The following RASGRP2 variants were observed in gnomAD, a reference collection of about 807,000 sequenced individuals.
RASGRP2 encodes the protein RAS guanyl-releasing protein 2.
Under a neutral mutation model 71.0 loss-of-function variants are expected in RASGRP2, and 44 were observed. The ratio of observed to expected loss-of-function variants is 0.62; its 90% CI spans 0.49 to 0.80. The LOEUF (loss-of-function observed/expected upper bound fraction) is 0.80. Ranked by LOEUF, RASGRP2 falls within the 30% of genes least tolerant of loss-of-function variation. The pLI, the probability that RASGRP2 is intolerant of heterozygous loss-of-function variation, is 0.00. For synonymous variants in RASGRP2, 350 were observed against 330.7 expected, an observed-to-expected ratio of 1.06 and a Z score of -0.63; for missense variants, 663 against 813.4, an observed-to-expected ratio of 0.82 and a Z score of 2.25.
intron 12 of RASGRP2, among the ~76,000 whole-genome samples, chr11:64,733,317 C>T (rs557859122): frequency 4.5e-4 from 69 of 151,794 alleles, no homozygotes; most frequent in Middle Eastern, 3.4e-3. Context: ...TGGGCCTGGT[C>T]CTGGGAGCCG....
rs192116845 is a variant in RASGRP2, at chr11:64,731,694, T to C, written c.1413-1500A>G. Among the ~76,000 whole-genome samples, 103 of 151,586 alleles carry C rather than the reference T, an allele frequency of 6.8e-4. 1 individual carries two copies. The highest frequency in any genetic ancestry group is 2.4e-3 in the African/African-American group (98 of 41,446). The stretch of plus-strand genomic sequence containing the variant: ...AATGGCCAATAAACATATGAAAAGA[T>C]ACCCTACCCCCATTAGTATTAAAGA... On this transcript the variant is annotated intron_variant, in intron 12 of 16. Transcript: ENST00000394432.
intron 5 of RASGRP2, 43 bp downstream of exon 5, chr11:64,740,905 G>A: frequency 1.9e-6 from 3 of 1,610,278 alleles, no homozygotes; most frequent in East Asian, 2.2e-5. Flanking sequence ...GATGGTATAG[G>A]ATACTGAGTG....
chr11:64,732,425 G>A (rs902347137), intron 12 of RASGRP2, among the ~76,000 whole-genome samples: 2 of 152,208 alleles, frequency 1.3e-5, no homozygotes, highest in African/African-American at 2.4e-5. Flanking sequence ...TCGGGAGGCC[G>A]AGGCGGGCGG....
At chr11:64,741,586 G>A (rs574092367) in intron 3 of RASGRP2, 85 bp from the exon 4 acceptor site, 96 of 1,221,904 alleles carry the variant, frequency 7.9e-5, no homozygotes, top group Non-Finnish European at 1.1e-4. Flanking sequence ...CTGGTTCTAG[G>A]AGACACGTTC....
rs1430483960 is a variant in RASGRP2 at position 64,742,753 on chromosome 11, G to A, written c.73+41C>T. The A allele has an allele frequency of 1.3e-6, 2 of 1,577,378 alleles. No homozygotes were observed. The highest frequency in any genetic ancestry group is 1.7e-6 in the Non-Finnish European group (2 of 1,162,470). ...AGGCAGGGACCCGGGCTCAGACTCG[G>A]GGCTAGGCTCAGGCTCCGTGTGCCC... On this transcript the variant is annotated intron_variant, in intron 2 of 16. Transcript: ENST00000394432. This position sits in a 1 kb window ranked among gnomAD's most constrained non-coding sequence, Gnocchi z 4.7.
At chr11:64,728,398 C>G (rs1364299000) in intron 15 of RASGRP2, among the ~76,000 whole-genome samples, 1 of 152,178 alleles carries the variant, frequency 6.6e-6, no homozygotes, top group East Asian at 1.9e-4. Context: ...TGGCCACTTT[C>G]TGGCACCCTT....
Position 64,730,064 on chromosome 11 carries a change from A to G in RASGRP2, c.1543T>C (p.Cys515Arg), listed in dbSNP as rs2057713474. 4 of 1,551,002 alleles carry G rather than the reference A, an allele frequency of 2.6e-6. No individual in the cohort carries two copies. Among genetic ancestry groups the G allele is most frequent in the Non-Finnish European group, 2.6e-6 (3 of 1,148,006 alleles). The change falls in exon 13 of 17, where the codon TGC (cysteine) becomes CGC (arginine). Residue 515 changes from cysteine (C) to arginine (R), a missense_variant. By Grantham distance (180) the Cys-to-Arg change is radical (BLOSUM62 -3). Coordinates refer to ENST00000394432, the MANE Select transcript of RASGRP2 (RefSeq NM_001098671.2). Reference sequence around the variant, plus strand: ...AAAGGGACTCTCACCAGGGCTTTGCAGTGGCGGCAGGCGACGGGGCGCAAG... The same window carrying G: ...AAAGGGACTCTCACCAGGGCTTTGCGGTGGCGGCAGGCGACGGGGCGCAAG... ...NSLRPVACRH[C>R]KALILGIYKQ... is the part of the protein sequence containing the mutation.
Position 64,735,098 on chromosome 11 carries a change from C to G in RASGRP2, c.1412+14G>C. ...GTTGCCTTCCCTCTCCCCCAGGTCC[C>G]CAGCCCTCCTCACTGGTTCTGGTCG... On this transcript the variant is annotated intron_variant, in intron 12 of 16. Transcript: ENST00000394432. The surrounding 1 kb of genome is among the most constrained non-coding windows in gnomAD (Gnocchi z 4.2). The G allele has an allele frequency of 6.2e-7, 1 of 1,601,688 alleles. No homozygotes were observed. Among genetic ancestry groups the G allele is most frequent in the East Asian group, 2.2e-5 (1 of 44,812 alleles).
At position 64,742,750 on chromosome 11, in the gene RASGRP2, T is replaced by C. The variant is rs778008348; in HGVS notation, c.73+44A>G. On this transcript the variant is annotated intron_variant, in intron 2 of 16. Coordinates refer to ENST00000394432, the MANE Select transcript of RASGRP2 (RefSeq NM_001098671.2). This position sits in a 1 kb window ranked among gnomAD's most constrained non-coding sequence, Gnocchi z 4.7. ...GGGAGGCAGGGACCCGGGCTCAGAC[T>C]CGGGGCTAGGCTCAGGCTCCGTGTG... 6.4e-7 allele frequency: 1 copy of C among 1,573,128 alleles called. No homozygotes were observed. Among genetic ancestry groups the C allele is most frequent in the Non-Finnish European group, 8.6e-7 (1 of 1,159,896 alleles).
chr11:64,743,080 T>G lies in RASGRP2; in HGVS notation c.-71-143A>C, dbSNP rs2058190549. 1.1e-6 allele frequency: 1 copy of G among 946,478 alleles called. No individual in the cohort carries two copies. Among genetic ancestry groups the G allele is most frequent in the Non-Finnish European group, 1.6e-6 (1 of 612,286 alleles). The allele number at this position is 946,478 out of a possible 1,614,324, so 58.6% of individuals were successfully genotyped here. A position where few individuals can be genotyped will look rare whatever the true frequency, so the allele number is the denominator to read the frequency against. ...CGCGGCCACTCCCGGGGTTAAACGG[T>G]CTGGCCCGGGATGGTGCAACCCGCC... On this transcript the variant is annotated intron_variant, in intron 1 of 16. Coordinates refer to ENST00000394432, the MANE Select transcript of RASGRP2 (RefSeq NM_001098671.2). This position sits in a 1 kb window ranked among gnomAD's most constrained non-coding sequence, Gnocchi z 4.9.
At position 64,739,237 on chromosome 11, in the gene RASGRP2, C is replaced by T; in HGVS notation, c.813+123G>A. Reference sequence around the variant, plus strand: ...GTGCAAACTGAGAAAAGCACTTAACCCCTCTGAGCCTCCATTTCCATATCT... The same window carrying T: ...GTGCAAACTGAGAAAAGCACTTAACTCCTCTGAGCCTCCATTTCCATATCT... On this transcript the variant is annotated intron_variant, in intron 8 of 16. Coordinates refer to ENST00000394432, the MANE Select transcript of RASGRP2 (RefSeq NM_001098671.2). The surrounding 1 kb of genome is among the most constrained non-coding windows in gnomAD (Gnocchi z 4.2). 2.5e-6 allele frequency: 2 copies of T among 791,390 alleles called. No homozygotes were observed. Among genetic ancestry groups the T allele is most frequent in the Non-Finnish European group, 2.2e-6 (1 of 456,694 alleles). 49.0% of individuals were successfully genotyped at this position (791,390 alleles called of 1,614,324 possible). A position where few individuals can be genotyped will look rare whatever the true frequency, so the allele number is the denominator to read the frequency against.
chr11:64,743,761 G>A lies in RASGRP2; in HGVS notation c.-72+242C>T. ...GAGGGGGGCGCTCGCGCCAAGGGTG[G>A]CCGGTGGGTGCATGACACCATTAGC... On this transcript the variant is annotated intron_variant, in intron 1 of 16. Transcript: ENST00000394432. This position sits in a 1 kb window ranked among gnomAD's most constrained non-coding sequence, Gnocchi z 4.9. The A allele has an allele frequency of 3.2e-6, 1 of 308,108 alleles. No homozygotes were observed. The highest frequency in any genetic ancestry group is 2.4e-5 in the South Asian group (1 of 41,144). The allele number at this position is 308,108 out of a possible 1,614,324, so 19.1% of individuals were successfully genotyped here.
rs766507209 is a variant in RASGRP2, at chr11:64,735,595, T to C, written c.1243A>G (p.Lys415Glu). The C allele has an allele frequency of 1.2e-6, 2 of 1,613,988 alleles. No homozygotes were observed. The highest frequency in any genetic ancestry group is 2.7e-5 in the African/African-American group (2 of 74,896). ...ACGAGGGCCTGATCCAGCTTGGGTT[T>C]GGCAGCCGAGGTCCACTCCTCCAGT... ...PVLEEWTSAA[K>E]PKLDQALVVE... Residue 415 changes from lysine (K) to glutamate (E), a missense_variant, in exon 11 of 17, where the codon AAA becomes GAA. By Grantham distance (56) the Lys-to-Glu change is moderately conservative (BLOSUM62 1). Coordinates refer to ENST00000394432, the MANE Select transcript of RASGRP2 (RefSeq NM_001098671.2). This position sits in a 1 kb window ranked among gnomAD's most constrained non-coding sequence, Gnocchi z 4.2.
chr11:64,742,015 G>C lies in RASGRP2; in HGVS notation c.171C>G (p.Leu57=). 2 of 1,609,040 alleles carry C rather than the reference G, an allele frequency of 1.2e-6. No individual in the cohort carries two copies. The highest frequency in any genetic ancestry group is 2.2e-5 in the East Asian group (1 of 44,606). ...IPSSQLAAKL[L]HIYQQSRKDN... is the part of the protein sequence containing the mutation. ...GCAAGGCCGGCGAAGGATATATGTG[G>C]AGCAGCTTGGCCGCCAGCTGAGAGG... Residue 57 remains leucine, a synonymous_variant, in exon 3 of 17, where the codon CTC becomes CTG. Coordinates refer to ENST00000394432, the MANE Select transcript of RASGRP2 (RefSeq NM_001098671.2). This position sits in a 1 kb window ranked among gnomAD's most constrained non-coding sequence, Gnocchi z 4.7.
intron 12 of RASGRP2, among the ~76,000 whole-genome samples, chr11:64,732,752 G>A (rs1459610157): frequency 1.3e-5 from 2 of 151,488 alleles, no homozygotes; most frequent in African/African-American, 4.9e-5. Flanking sequence ...CCGCACTCCA[G>A]TCTGGGTGAC....
chr11:64,729,717 A>AAC (rs1555121719), intron 14 of RASGRP2, 45 bp downstream of exon 14: 18 of 1,567,666 alleles, frequency 1.1e-5, no homozygotes, highest in African/African-American at 1.4e-5. Flanking sequence ...AACAAACAAA[A>AAC]AAAAAAAACA....
At position 64,730,228 on chromosome 11, in the gene RASGRP2, C is replaced by T. The variant is rs971113069; in HGVS notation, c.1413-34G>A. The T allele has an allele frequency of 1.0e-5, 16 of 1,551,172 alleles. No homozygotes were observed. The African/African-American group carries it at 1.8e-4, about 17-fold the overall frequency. On this transcript the variant is annotated intron_variant, in intron 12 of 16. Transcript: ENST00000394432. ...AGTTGCGGGGGCGCTTCAGCTCGGG[C>T]CCTCCCCAGAACCATCCACCGCTGG...
chr11:64,727,294 A>G lies in RASGRP2; in HGVS notation c.*6+2T>C. Reference sequence around the variant, plus strand: ...TCTGGTGCCAGCTGTGGGAGGACTCACCATCTATTACAAGTGGATGTCAAA... The same window carrying G: ...TCTGGTGCCAGCTGTGGGAGGACTCGCCATCTATTACAAGTGGATGTCAAA... On this transcript the variant is annotated splice_donor_variant, in intron 16 of 16. Coordinates refer to ENST00000394432, the MANE Select transcript of RASGRP2 (RefSeq NM_001098671.2). LOFTEE classifies it low-confidence loss of function (3UTR_SPLICE). 1.2e-6 allele frequency: 2 copies of G among 1,613,436 alleles called. No homozygotes were observed.
Position 64,739,236 on chromosome 11 carries a change from C to G in RASGRP2, c.813+124G>C. The stretch of plus-strand genomic sequence containing the variant: ...TGTGCAAACTGAGAAAAGCACTTAA[C>G]CCCTCTGAGCCTCCATTTCCATATC... On this transcript the variant is annotated intron_variant, in intron 8 of 16. Coordinates refer to ENST00000394432, the MANE Select transcript of RASGRP2 (RefSeq NM_001098671.2). This position sits in a 1 kb window ranked among gnomAD's most constrained non-coding sequence, Gnocchi z 4.2. 3.8e-6 allele frequency: 3 copies of G among 786,134 alleles called. No individual in the cohort carries two copies. The East Asian group carries it at 7.9e-5, about 21-fold the overall frequency. The allele number at this position is 786,134 out of a possible 1,614,324, so 48.7% of individuals were successfully genotyped here. A position where few individuals can be genotyped will look rare whatever the true frequency, so the allele number is the denominator to read the frequency against.
Sources: allele counts gnomAD v4.1 joint callset (sites outside exome capture counted in the v4.1 genomes callset), GRCh38; gene constraint gnomAD v4.1.1; non-coding constraint Gnocchi (gnomAD v3.1); transcripts MANE v1.5; gene names NCBI Gene and HGNC (gene_info 2026-07-23, HGNC 2026-07-21).